TUBGCP2: variants seen among roughly 807,000 people sequenced by gnomAD.
The protein encoded by TUBGCP2 is gamma-tubulin complex component 2.
Under a neutral mutation model 92.2 loss-of-function variants are expected in TUBGCP2, and 55 were observed. The observed-to-expected ratio is 0.60, with a 90% CI of 0.48 to 0.75. The LOEUF (loss-of-function observed/expected upper bound fraction) is 0.75. Among genes scored for constraint, TUBGCP2 ranks in the 30% least tolerant of loss-of-function variants. The pLI is 0.00. For synonymous variants in TUBGCP2, 533 were observed against 505.2 expected (o/e 1.06, Z -0.74); for missense variants, 1,093 against 1,188.9 (o/e 0.92, Z 1.19).
In TUBGCP2 at chr10:133,308,849, G is replaced by C. The variant is rs1427193577; in HGVS notation, c.-66C>G. On this transcript the variant is annotated 5_prime_UTR_variant, in exon 1 of 18. Transcript: ENST00000252936. Reference sequence around the variant, plus strand: ...GCAGTCCCGGAGCCACAGCCCCCGCGCAGCCCCCGACGGCGGCGGAAGTGA... The same window carrying C: ...GCAGTCCCGGAGCCACAGCCCCCGCCCAGCCCCCGACGGCGGCGGAAGTGA... 12 of 1,092,028 alleles carry C rather than the reference G, an allele frequency of 1.1e-5. No individual in the cohort carries two copies. The highest frequency in any genetic ancestry group is 1.4e-5 in the Non-Finnish European group (12 of 871,406). The allele number at this position is 1,092,028 out of a possible 1,614,324, so 67.6% of individuals were successfully genotyped here.
In TUBGCP2 at chr10:133,288,998, T is replaced by A. The variant is rs1177025931; in HGVS notation, c.1383A>T (p.Arg461Ser). The change falls in exon 10 of 18, where the codon AGA (arginine) becomes AGT (serine). Residue 461 changes from arginine to serine, a missense_variant. Transcript: ENST00000252936. ...LSTGKYLNVV[R>S]ECGHDVTCPV... is the part of the protein sequence containing the mutation. ...GGCAGGTGACGTCATGGCCACACTC[T>A]CTGACCACATTTAGATATTTTCCTG... 1.2e-6 allele frequency: 2 copies of A among 1,612,286 alleles called. No individual in the cohort carries two copies. The highest frequency in any genetic ancestry group is 1.7e-6 in the Non-Finnish European group (2 of 1,179,340).
upstream of TUBGCP2, chr10:133,312,090 TTGTC>T (rs1848003942): frequency 4.8e-6 from 7 of 1,454,814 alleles, no homozygotes; most frequent in African/African-American, 1.4e-5. Flanking sequence ...CTTTTCCTCA[TTGTC>T]TGAGTGGGAT....
At chr10:133,299,678 C>CCAACCCTGA in intron 3 of TUBGCP2, 75 bp from the exon 4 acceptor site, 1 of 1,323,140 alleles carries the variant, frequency 7.6e-7, no homozygotes, top group Non-Finnish European at 1.0e-6. Flanking sequence ...AGGGACGACA[C>CCAACCCTGA]CACCAGGACG....
chr10:133,287,570 C>T (rs1056466071), intron 11 of TUBGCP2, among the ~76,000 whole-genome samples: 1 of 151,946 alleles, frequency 6.6e-6, no homozygotes, highest in Non-Finnish European at 1.5e-5. Flanking sequence ...GGTGAAACCC[C>T]ATCTCTACTA....
At chr10:133,299,374 G>A (rs946632526) in intron 4 of TUBGCP2, 53 bp downstream of exon 4, 51 of 1,486,516 alleles carry the variant, frequency 3.4e-5, no homozygotes, top group Non-Finnish European at 4.3e-5. Context: ...TGGACGCCAC[G>A]GACACAGGAC....
chr10:133,291,085 T>G (rs1847274807), intron 8 of TUBGCP2: 1 of 246,742 alleles, frequency 4.1e-6, no homozygotes, highest in African/African-American at 2.4e-5. Flanking sequence ...TGGAGGCAAT[T>G]TAATGTCCTG....
intron 9 of TUBGCP2, 135 bp from the exon 10 acceptor site, chr10:133,289,155 C>CT (rs1212967907): frequency 9.9e-7 from 1 of 1,014,482 alleles, no homozygotes. Context: ...CCCCAGCTGT[C>CT]TTTGTCTACA....
In TUBGCP2 at chr10:133,293,558, C is replaced by T. The variant is rs1564941188; in HGVS notation, c.824+4G>A. The T allele has an allele frequency of 6.4e-7, 1 of 1,551,010 alleles. No individual in the cohort carries two copies. Among genetic ancestry groups the T allele is most frequent in the Non-Finnish European group, 8.7e-7 (1 of 1,147,006 alleles). ...GGCTCCCAGGGACCGCGCCCGGTGC[C>T]CACCTGGTCACAGCGGAGTAGCTGG... On this transcript the variant is annotated splice_donor_region_variant and intron_variant, in intron 6 of 17. Coordinates refer to ENST00000252936, the MANE Select transcript of TUBGCP2 (RefSeq NM_006659.4).
Position 133,285,257 on chromosome 10 carries a change from G to A in TUBGCP2, c.1896-44C>T. The A allele has an allele frequency of 6.2e-7, 1 of 1,607,390 alleles. No homozygotes were observed. The highest frequency in any genetic ancestry group is 8.5e-7 in the Non-Finnish European group (1 of 1,179,766). On this transcript the variant is annotated intron_variant, in intron 12 of 17. Transcript: ENST00000252936. The surrounding 1 kb of genome is among the most constrained non-coding windows in gnomAD (Gnocchi z 6.8). ...CACCTCAGGTGGGCCTCCGTGACCG[G>A]CGGCGTCGTGGACACGGCGTCTGTA...
At chr10:133,301,795 A>G (rs1000849016) in intron 2 of TUBGCP2, 5 of 137,086 alleles carry the variant, frequency 3.6e-5, no homozygotes, top group Non-Finnish European at 6.1e-5. Flanking sequence ...GCTCACTGCA[A>G]GCTCCACCTC....
In TUBGCP2 at chr10:133,302,351, A is replaced by ACCCTGCACCCCGCACAG. The variant is rs2136138417; in HGVS notation, c.150+424_150+440dup. ...CCATCCTGACCCCGGGGTGGCGCTC[A>ACCCTGCACCCCGCACAG]CCCTGCACCCCGCACAGCCCTGCAC... On this transcript the variant is annotated intron_variant, in intron 2 of 17. Transcript: ENST00000252936. 3 of 220,366 alleles carry ACCCTGCACCCCGCACAG rather than the reference A, an allele frequency of 1.4e-5. No individual in the cohort carries two copies. The South Asian group carries it at 1.9e-4, about 14-fold the overall frequency. 13.7% of individuals were successfully genotyped at this position (220,366 alleles called of 1,614,324 possible).
Position 133,293,109 on chromosome 10 carries a change from G to T in TUBGCP2, c.954C>A (p.Leu318=). 6.2e-7 allele frequency: 1 copy of T among 1,613,882 alleles called. No individual in the cohort carries two copies. Among genetic ancestry groups the T allele is most frequent in the East Asian group, 2.2e-5 (1 of 44,882 alleles). The change falls in exon 7 of 18, where the codon CTC becomes CTA. Residue 318 remains leucine (L), a synonymous_variant. Transcript: ENST00000252936. ...SQLEQLHRQG[L]LSLQKLWFYI... ...AGAACCAGAGCTTCTGCAGCGAAAG[G>T]AGGCCCTGCCTGTGCAGCTGCTCCA...
At chr10:133,288,722 C>T in intron 10 of TUBGCP2, 118 bp downstream of exon 10, 1 of 1,234,004 alleles carries the variant, frequency 8.1e-7, no homozygotes, top group Non-Finnish European at 1.1e-6. Context: ...GCAGTGCCCA[C>T]TTTCAAAAAG....
rs74164142 is a variant in TUBGCP2, at chr10:133,306,330, G to A, written c.-40+2493C>T. On this transcript the variant is annotated intron_variant, in intron 1 of 17. Transcript: ENST00000252936. ...GGCCTGTTTCACCCACATTCTACTCGGCTCCCCGAGGACTGCAGGTTGTCC... is the reference window on the plus strand; with the variant it reads ...GGCCTGTTTCACCCACATTCTACTCAGCTCCCCGAGGACTGCAGGTTGTCC... 6.8e-3 allele frequency among the ~76,000 whole-genome samples: 1,030 copies of A among 152,184 alleles called. 18 individuals are homozygous for A. The highest frequency in any genetic ancestry group is 0.024 in the African/African-American group (979 of 41,522).
chr10:133,305,830 C>T (rs754525009), intron 1 of TUBGCP2, among the ~76,000 whole-genome samples: 2 of 152,210 alleles, frequency 1.3e-5, no homozygotes, highest in African/African-American at 4.8e-5. Context: ...GAGGTGCTCA[C>T]GGTAACTACA....
At chr10:133,284,997 G>A in intron 13 of TUBGCP2, 88 bp downstream of exon 13, 2 of 1,499,894 alleles carry the variant, frequency 1.3e-6, no homozygotes, top group East Asian at 2.3e-5. Flanking sequence ...CTGTCTACCA[G>A]GAGGGCACAA....
At chr10:133,283,813 T>G in intron 14 of TUBGCP2, 69 bp downstream of exon 14, 1 of 1,591,698 alleles carries the variant, frequency 6.3e-7, no homozygotes, top group Non-Finnish European at 8.6e-7. Context: ...CTGCCTCTCC[T>G]GCACTTCCTG....
chr10:133,299,368 C>T (rs1281647117), intron 4 of TUBGCP2, 59 bp downstream of exon 4: 23 of 1,458,344 alleles, frequency 1.6e-5, no homozygotes, highest in Admixed American at 1.1e-4. Flanking sequence ...TGCCTGTGGA[C>T]GCCACGGACA....
chr10:133,302,949 G>C lies in TUBGCP2; in HGVS notation c.-8C>G, dbSNP rs917896860. The C allele has an allele frequency of 6.2e-7, 1 of 1,614,014 alleles. No homozygotes were observed. Among genetic ancestry groups the C allele is most frequent in the Non-Finnish European group, 8.5e-7 (1 of 1,179,964 alleles). On this transcript the variant is annotated 5_prime_UTR_variant, in exon 2 of 18. Coordinates refer to ENST00000252936, the MANE Select transcript of TUBGCP2 (RefSeq NM_006659.4). ...AATCCGAAATTCACTCATAGTTTTA[G>C]CTCTGAGGCACGAACATCACAATAT...
Sources: allele counts gnomAD v4.1 joint callset (sites outside exome capture counted in the v4.1 genomes callset), GRCh38; gene constraint gnomAD v4.1.1; non-coding constraint Gnocchi (gnomAD v3.1); transcripts MANE v1.5; gene names NCBI Gene and HGNC (gene_info 2026-07-23, HGNC 2026-07-21).